Variants in INPP4B observed in about 807,000 individuals in gnomAD.
The protein encoded by INPP4B is inositol polyphosphate 4-phosphatase type II.
In INPP4B, 55 loss-of-function variants were observed where a neutral mutation model predicts 122.5. The ratio of observed to expected loss-of-function variants is 0.45; its 90% CI spans 0.36 to 0.56. INPP4B has a LOEUF of 0.56. INPP4B is among the 20% of genes least tolerant of loss of function. The pLI, the probability that INPP4B is intolerant of heterozygous loss-of-function variation, is 0.00. For missense variants in INPP4B, 1,000 were observed against 1,097.7 expected (o/e 0.91, Z 1.26); for synonymous variants, 403 against 388.7 (o/e 1.04, Z -0.43).
chr4:142,488,975 G>A (rs1041923100), intron 2 of INPP4B, among the ~76,000 whole-genome samples: 7 of 151,780 alleles, frequency 4.6e-5, no homozygotes, highest in African/African-American at 1.7e-4. Flanking sequence ...GCTATCTTTT[G>A]TATTTTAAGC....
At chr4:142,447,125 A>G (rs1404470669) in intron 3 of INPP4B, among the ~76,000 whole-genome samples, 2 of 152,158 alleles carry the variant, frequency 1.3e-5, no homozygotes, top group Non-Finnish European at 1.5e-5. Context: ...GTAGGAGCAG[A>G]GTTTTGAGCT....
At chr4:142,754,749 G>A (rs1170107437) in intron 1 of INPP4B, among the ~76,000 whole-genome samples, 3 of 151,542 alleles carry the variant, frequency 2.0e-5, no homozygotes, top group African/African-American at 7.3e-5. Context: ...CTGATTTAGT[G>A]AATTTATTAA....
chr4:142,116,338 C>T (rs182826550), intron 21 of INPP4B, among the ~76,000 whole-genome samples: 6,638 of 152,226 alleles, frequency 0.044, 219 homozygotes, highest in Non-Finnish European at 0.066. Context: ...GAACTCTCCA[C>T]CCCAAATCAA....
intron 18 of INPP4B, among the ~76,000 whole-genome samples, chr4:142,137,836 A>C (rs1482655827): frequency 3.3e-5 from 5 of 151,780 alleles, no homozygotes; most frequent in African/African-American, 9.7e-5. Flanking sequence ...CCACAATGAG[A>C]TATCATCTCA....
intron 1 of INPP4B, among the ~76,000 whole-genome samples, chr4:142,830,519 G>C (rs952060503): frequency 6.6e-6 from 1 of 152,084 alleles, no homozygotes; most frequent in Non-Finnish European, 1.5e-5. Context: ...GGAGTGGAGA[G>C]GGAGTCTTAA....
chr4:142,442,218 C>A (rs865841951), intron 3 of INPP4B, among the ~76,000 whole-genome samples: 1 of 151,748 alleles, frequency 6.6e-6, no homozygotes, highest in African/African-American at 2.4e-5. Flanking sequence ...CGAGACCAGC[C>A]TGGCCAACAT....
rs115099929 is a variant in INPP4B at position 142,296,581 on chromosome 4, G to A, written c.503+8877C>T. 5.7e-3 allele frequency among the ~76,000 whole-genome samples: 872 copies of A among 152,338 alleles called. 14 individuals carry two copies. Among genetic ancestry groups the A allele is most frequent in the African/African-American group, 0.019 (804 of 41,568 alleles). On this transcript the variant is annotated intron_variant, in intron 9 of 25. Coordinates refer to ENST00000262992, the MANE Select transcript of INPP4B (RefSeq NM_001101669.3). ...ACACTGTTGTAAGAATTTCACATTA[G>A]TAACTCATGTGATCCTCACAGAGAA...
intron 1 of INPP4B, among the ~76,000 whole-genome samples, chr4:142,759,825 TAAAAAAAAAAAAAAA>T (rs70949188): frequency 7.1e-5 from 5 of 70,046 alleles, no homozygotes; most frequent in Non-Finnish European, 1.3e-4. Flanking sequence ...GAGCTTTTTC[TAAAAAAAAAAAAAAA>T]AAAAAAAAAA....
At chr4:142,620,335 G>A (rs114507175) in intron 2 of INPP4B, among the ~76,000 whole-genome samples, 1 of 151,910 alleles carries the variant, frequency 6.6e-6, no homozygotes, top group African/African-American at 2.4e-5. Flanking sequence ...AGAAAAGAGC[G>A]AGATTATGTC....
At chr4:142,169,171 TTTG>T (rs532312766) in intron 16 of INPP4B, among the ~76,000 whole-genome samples, 148 of 151,784 alleles carry the variant, frequency 9.8e-4, no homozygotes, top group African/African-American at 3.5e-3. Flanking sequence ...AATAACAAAT[TTTG>T]TTTATTGTAT....
At chr4:142,844,772 T>TTAC (rs770253041) in intron 1 of INPP4B, among the ~76,000 whole-genome samples, 15 of 152,238 alleles carry the variant, frequency 9.9e-5, no homozygotes, top group Non-Finnish European at 2.2e-4. Flanking sequence ...TTGAGTCAGA[T>TTAC]TACTACCATT....
At chr4:142,355,562 C>T (rs139868395) in intron 7 of INPP4B, among the ~76,000 whole-genome samples, 18 of 152,136 alleles carry the variant, frequency 1.2e-4, no homozygotes, top group African/African-American at 3.6e-4. Flanking sequence ...TAGGCACAGG[C>T]ATGTTTCATA....
At chr4:142,759,971 A>G (rs1026325810) in intron 1 of INPP4B, among the ~76,000 whole-genome samples, 1 of 152,016 alleles carries the variant, frequency 6.6e-6, no homozygotes, top group African/African-American at 2.4e-5. Flanking sequence ...GCTTTTTCCT[A>G]AACTTAAAAA....
intron 2 of INPP4B, among the ~76,000 whole-genome samples, chr4:142,675,420 A>C (rs954698096): frequency 1.3e-5 from 2 of 152,218 alleles, no homozygotes; most frequent in African/African-American, 4.8e-5. Context: ...TACCACAGGT[A>C]CAAAAAGGAG....
chr4:142,308,534 G>C (rs961006072), intron 8 of INPP4B, among the ~76,000 whole-genome samples: 6 of 151,980 alleles, frequency 3.9e-5, no homozygotes, highest in African/African-American at 9.7e-5. Context: ...AATAAAAGAA[G>C]GATTCTCTCA....
chr4:142,619,354 T>C (rs1011435319), intron 2 of INPP4B, among the ~76,000 whole-genome samples: 7 of 152,058 alleles, frequency 4.6e-5, no homozygotes, highest in Admixed American at 2.6e-4. Flanking sequence ...TACTGACAGA[T>C]GAAGGGACAA....
chr4:142,508,327 G>A (rs1308130156), intron 2 of INPP4B, among the ~76,000 whole-genome samples: 2 of 152,172 alleles, frequency 1.3e-5, no homozygotes, highest in African/African-American at 4.8e-5. Flanking sequence ...CAAGGCTAGA[G>A]TGCAGTGGCG....
chr4:142,450,052 G>C (rs1046583247), intron 3 of INPP4B, among the ~76,000 whole-genome samples: 14 of 152,092 alleles, frequency 9.2e-5, no homozygotes, highest in Non-Finnish European at 2.1e-4. Flanking sequence ...TCCTCTGTAA[G>C]AAGTTGACCT....
chr4:142,686,069 C>T (rs944842489), intron 2 of INPP4B, among the ~76,000 whole-genome samples: 4 of 152,022 alleles, frequency 2.6e-5, no homozygotes, highest in Admixed American at 6.6e-5. Flanking sequence ...ACTCTACAAC[C>T]AGGTTGGAAC....
Sources: allele counts gnomAD v4.1 joint callset (sites outside exome capture counted in the v4.1 genomes callset), GRCh38; gene constraint gnomAD v4.1.1; transcripts MANE v1.5; gene names NCBI Gene and HGNC (gene_info 2026-07-23, HGNC 2026-07-21).